Variants in ANKRD30B observed in about 807,000 individuals in gnomAD.
ANKRD30B encodes the protein ankyrin repeat domain 30B.
A neutral mutation model predicts 202.2 loss-of-function variants in ANKRD30B; 144 were observed. The observed-to-expected ratio is 0.71, with a 90% confidence interval of 0.62 to 0.82. ANKRD30B has a LOEUF of 0.82. ANKRD30B is among the 40% of genes least tolerant of loss of function. The pLI, the probability that ANKRD30B is intolerant of heterozygous loss-of-function variation, is 0.00. For missense variants in ANKRD30B, 1,487 were observed against 1,669.1 expected (o/e 0.89, Z 1.90); for synonymous variants, 508 against 561.3 (o/e 0.91, Z 1.34).
the ANKRD30B span, among the ~76,000 whole-genome samples, chr18:14,864,664 C>G: frequency 0.017 from 2,565 of 148,210 alleles, 81 homozygotes; most frequent in African/African-American, 0.062. Context: ...CTCCTGCTCT[C>G]ATCATCCTCT....
the ANKRD30B span, among the ~76,000 whole-genome samples, chr18:14,937,106 G>A: frequency 6.6e-6 from 1 of 152,204 alleles, no homozygotes. Flanking sequence ...TGAGCCTCAT[G>A]TCACTGTGCA....
chr18:14,778,697 C>T (rs1967534056), intron 10 of ANKRD30B, among the ~76,000 whole-genome samples: 1 of 152,142 alleles, frequency 6.6e-6, no homozygotes, highest in Non-Finnish European at 1.5e-5. Context: ...AATACCTTGT[C>T]AACAATGCAT....
chr18:14,845,328 A>G (rs1263415752), intron 39 of ANKRD30B, among the ~76,000 whole-genome samples: 4 of 152,394 alleles, frequency 2.6e-5, no homozygotes, highest in African/African-American at 9.6e-5. Context: ...AGTTTTCCCA[A>G]CATCATTTAT....
At chr18:14,757,102 A>G (rs1206713692) in intron 4 of ANKRD30B, among the ~76,000 whole-genome samples, 6 of 151,760 alleles carry the variant, frequency 4.0e-5, no homozygotes, top group Non-Finnish European at 8.8e-5. Context: ...TTTAATTTGT[A>G]TGGGTAGAGG....
At chr18:14,809,903 T>C in intron 26 of ANKRD30B, 83 bp from the exon 27 acceptor site, 1 of 1,239,072 alleles carries the variant, frequency 8.1e-7, no homozygotes, top group Non-Finnish European at 1.2e-6. Flanking sequence ...TGAGGATTCA[T>C]CTTCATATTC....
At chr18:14,855,841 C>G (rs1308683457), downstream of ANKRD30B, among the ~76,000 whole-genome samples, 1 of 150,634 alleles carries the variant, frequency 6.6e-6, no homozygotes, top group Non-Finnish European at 1.5e-5. Context: ...AGAGGCACTC[C>G]TCACCTCCCA....
intron 24 of ANKRD30B, among the ~76,000 whole-genome samples, chr18:14,804,583 A>G (rs1969381435): frequency 6.6e-6 from 1 of 150,838 alleles, no homozygotes; most frequent in African/African-American, 2.5e-5. Context: ...CTGAGTAGCA[A>G]GATGAGAGAC....
chr18:14,897,119 A>G, the ANKRD30B span, among the ~76,000 whole-genome samples: 1 of 152,204 alleles, frequency 6.6e-6, no homozygotes, highest in African/African-American at 2.4e-5. Context: ...ATCGAGAGAT[A>G]AAAGTACTAT....
rs1328641042 is a variant in ANKRD30B at position 14,796,095 on chromosome 18, A to C, written c.1826-126A>C. 3 of 1,081,712 alleles carry C rather than the reference A, an allele frequency of 2.8e-6. No individual in the cohort carries two copies. In the African/African-American group the frequency reaches 4.7e-5, roughly 17 times the overall value. 67.0% of individuals were successfully genotyped at this position (1,081,712 alleles called of 1,614,324 possible). ...CAAATACAAAAGCCCAAAAGACCCC[A>C]AAACCTAGTGTAATCCCTTTTCAAT... On this transcript the variant is annotated intron_variant, in intron 16 of 43. Coordinates refer to ENST00000690538, the MANE Select transcript of ANKRD30B (RefSeq NM_001367607.2).
chr18:14,791,367 CA>C (rs1433186764), intron 15 of ANKRD30B, 33 bp from the exon 16 acceptor site: 1 of 1,531,254 alleles, frequency 6.5e-7, no homozygotes, highest in African/African-American at 1.4e-5. Context: ...AGGATTTTTT[CA>C]TTGAAATTAT....
chr18:14,755,213 A>G (rs772347032), intron 4 of ANKRD30B, among the ~76,000 whole-genome samples: 21 of 152,150 alleles, frequency 1.4e-4, no homozygotes, highest in Non-Finnish European at 2.8e-4. Context: ...TTCTCTTATT[A>G]TATTGACTGA....
At chr18:14,824,699 G>T (rs1348123544) in intron 32 of ANKRD30B, among the ~76,000 whole-genome samples, 1 of 152,282 alleles carries the variant, frequency 6.6e-6, no homozygotes, top group Non-Finnish European at 1.5e-5. Context: ...ATTTGAGCAG[G>T]GGAGTCCCAA....
At chr18:14,784,607 C>A in intron 14 of ANKRD30B, 72 bp downstream of exon 14, 1 of 1,461,794 alleles carries the variant, frequency 6.8e-7, no homozygotes, top group Admixed American at 2.0e-5. Context: ...TTTCTATCCC[C>A]AATGATTTAT....
intron 1 of ANKRD30B, among the ~76,000 whole-genome samples, 155 bp downstream of exon 1, chr18:14,748,795 C>T (rs921635639): frequency 6.6e-6 from 1 of 152,134 alleles, no homozygotes; most frequent in South Asian, 2.1e-4. Context: ...GAGGTCTTGG[C>T]CTTCTTCCCG....
intron 11 of ANKRD30B, among the ~76,000 whole-genome samples, chr18:14,781,741 C>G (rs370522790): frequency 2.0e-5 from 3 of 152,082 alleles, no homozygotes; most frequent in Admixed American, 1.3e-4. Context: ...TGAGAGTGTC[C>G]GTGTGGCTTA....
At chr18:14,817,458 A>G (rs532709275) in intron 30 of ANKRD30B, among the ~76,000 whole-genome samples, 5 of 152,156 alleles carry the variant, frequency 3.3e-5, no homozygotes, top group Non-Finnish European at 5.9e-5. Context: ...TCAGATCACA[A>G]TTTAGAACCA....
chr18:14,928,581 G>C, the ANKRD30B span, among the ~76,000 whole-genome samples: 1 of 152,070 alleles, frequency 6.6e-6, no homozygotes, highest in Non-Finnish European at 1.5e-5. Flanking sequence ...CCTGTTCTCC[G>C]GCCTTGGAAC....
chr18:14,857,996 C>T (rs2143306050), downstream of ANKRD30B, among the ~76,000 whole-genome samples: 1 of 45,158 alleles, frequency 2.2e-5, no homozygotes, highest in Non-Finnish European at 4.0e-5. Flanking sequence ...CGCTCCTCAC[C>T]TCCCAGATGG....
At chr18:14,826,693 T>TCACACACACACACACACACACACACA (rs61497414) in intron 32 of ANKRD30B, among the ~76,000 whole-genome samples, 1 of 124,968 alleles carries the variant, frequency 8.0e-6, no homozygotes, top group African/African-American at 2.9e-5. Context: ...TCTCTCTCTC[T>TCACACACACACACACACACACACACA]CACACACACA....
Sources: allele counts gnomAD v4.1 joint callset (sites outside exome capture counted in the v4.1 genomes callset), GRCh38; gene constraint gnomAD v4.1.1; transcripts MANE v1.5; gene names NCBI Gene and HGNC (gene_info 2026-07-23, HGNC 2026-07-21).